LARGE1: variants seen among roughly 807,000 people sequenced by gnomAD.
LARGE1 encodes LARGE xylosyl- and glucuronyltransferase 1, also known as xylosyl- and glucuronyltransferase LARGE1.
Under a neutral mutation model 87.6 loss-of-function variants are expected in LARGE1, and 43 were observed. The observed-to-expected ratio is 0.49, with a 90% CI of 0.38 to 0.63. The LOEUF (loss-of-function observed/expected upper bound fraction) is 0.63, where lower values mean the gene tolerates loss of function less well. LARGE1 is among the 30% of genes least tolerant of loss of function. The pLI is 0.00. For missense variants in LARGE1, 802 were observed against 1,000.2 expected (o/e 0.80, Z 2.67); for synonymous variants, 434 against 394.6 (o/e 1.10, Z -1.18).
chr22:33,459,957 A>G (rs1402752845), intron 6 of LARGE1, among the ~76,000 whole-genome samples: 1 of 152,234 alleles, frequency 6.6e-6, no homozygotes, highest in East Asian at 1.9e-4. Context: ...GTGGATGGGC[A>G]CTGATAAGTG....
intron 6 of LARGE1, among the ~76,000 whole-genome samples, chr22:33,445,100 G>A (rs1569168950): frequency 1.3e-5 from 2 of 152,180 alleles, no homozygotes. Context: ...AAAGTGCTGG[G>A]ATTACAGGTG....
At chr22:33,417,020 C>A (rs1273476299) in intron 7 of LARGE1, among the ~76,000 whole-genome samples, 1 of 150,274 alleles carries the variant, frequency 6.7e-6, no homozygotes, top group Non-Finnish European at 1.5e-5. Flanking sequence ...GATTCTCCTG[C>A]TTCAGCCTCC....
intron 7 of LARGE1, among the ~76,000 whole-genome samples, chr22:33,422,508 C>T (rs995658054): frequency 1.3e-5 from 2 of 149,094 alleles, no homozygotes; most frequent in Non-Finnish European, 3.0e-5. Flanking sequence ...AAGTGCTACA[C>T]ACTTTTTTTT....
intron 6 of LARGE1, among the ~76,000 whole-genome samples, chr22:33,467,496 T>C (rs936341064): frequency 3.3e-5 from 5 of 152,138 alleles, no homozygotes; most frequent in African/African-American, 1.2e-4. Flanking sequence ...AGCAAATAGG[T>C]GAAGGATTAA....
intron 3 of LARGE1, among the ~76,000 whole-genome samples, chr22:33,644,650 T>A (rs1264425453): frequency 2.0e-5 from 3 of 152,192 alleles, no homozygotes; most frequent in Non-Finnish European, 4.4e-5. Context: ...CATGATTATA[T>A]ATTTAGAAAA....
chr22:33,396,667 G>A (rs1334935407), intron 7 of LARGE1, among the ~76,000 whole-genome samples: 4 of 152,118 alleles, frequency 2.6e-5, no homozygotes, highest in Admixed American at 6.5e-5. Context: ...GAACACAGTC[G>A]TCCCTGCCCG....
intron 5 of LARGE1, among the ~76,000 whole-genome samples, chr22:33,581,222 TC>T (rs1401764927): frequency 4.6e-5 from 7 of 152,174 alleles, no homozygotes; most frequent in Non-Finnish European, 7.4e-5. Context: ...CTTCTGACCT[TC>T]AGGAAAATCA....
intron 5 of LARGE1, among the ~76,000 whole-genome samples, chr22:33,586,896 T>C (rs926161966): frequency 3.9e-5 from 6 of 152,172 alleles, no homozygotes; most frequent in African/African-American, 1.4e-4. Context: ...GTCTGCAAAA[T>C]GCAATGAAAA....
intron 5 of LARGE1, among the ~76,000 whole-genome samples, chr22:33,601,704 A>T (rs1285328286): frequency 1.3e-5 from 2 of 152,222 alleles, no homozygotes; most frequent in African/African-American, 4.8e-5. Context: ...AGCAGGTGTC[A>T]GGAAACTTTG....
At chr22:33,190,058 A>G (rs772096612) in intron 11 of LARGE1, among the ~76,000 whole-genome samples, 2 of 152,184 alleles carry the variant, frequency 1.3e-5, no homozygotes, top group Non-Finnish European at 2.9e-5. Context: ...TTTAAAACTG[A>G]CTTGAATTAG....
rs5998825 is a variant in LARGE1 at position 33,240,553 on chromosome 22, A to G, written c.1730+63676T>C. Among the ~76,000 whole-genome samples the G allele has an allele frequency of 4.5e-3, 678 of 152,294 alleles. 5 individuals are homozygous for G. Among genetic ancestry groups the G allele is most frequent in the African/African-American group, 0.015 (639 of 41,570 alleles). On this transcript the variant is annotated intron_variant, in intron 11 of 11. Transcript: ENST00000608642. ...TATCTATTTGTCTCTCCTTGTGTCAATAACACTCTGTCTTGATAATGGTAA... is the reference window on the plus strand; with the variant it reads ...TATCTATTTGTCTCTCCTTGTGTCAGTAACACTCTGTCTTGATAATGGTAA...
In LARGE1 at chr22:33,855,169, C is replaced by T. The variant is rs141195263; in HGVS notation, c.-83+64826G>A. On this transcript the variant is annotated intron_variant, in intron 1 of 14. Coordinates refer to ENST00000397394, the MANE Select transcript of LARGE1 (RefSeq NM_133642.5). ...CAAACACGGTGAAACCCTGTCTCTA[C>T]TAAAAATACAAAAAAATTAGCCGGG... is the stretch of plus-strand genomic sequence containing the variant. 5.9e-3 allele frequency among the ~76,000 whole-genome samples: 892 copies of T among 152,128 alleles called. 7 individuals are homozygous for T. Among genetic ancestry groups the T allele is most frequent in the Non-Finnish European group, 9.8e-3 (669 of 68,000 alleles).
At chr22:33,415,140 T>A (rs952655153) in intron 7 of LARGE1, among the ~76,000 whole-genome samples, 1 of 152,202 alleles carries the variant, frequency 6.6e-6, no homozygotes, top group Non-Finnish European at 1.5e-5. Context: ...CCCAGCACCC[T>A]GCAGCCCAGC....
At position 33,566,006 on chromosome 22, in the gene LARGE1, G is replaced by A. The variant is rs983536034; in HGVS notation, c.616-987C>T. Among the ~76,000 whole-genome samples, 8 of 152,226 alleles carry A rather than the reference G, an allele frequency of 5.3e-5. No individual in the cohort carries two copies. In the East Asian group the frequency reaches 1.5e-3, roughly 29 times the overall value. On this transcript the variant is annotated intron_variant, in intron 5 of 14. Transcript: ENST00000397394. ...CCAAAGCACACTTATTTTCAAGAGG[G>A]TAACACTTTTAATAGAACCCTTTAA...
chr22:33,273,965 G>A lies in LARGE1; in HGVS notation c.*462C>T, dbSNP rs200125816. On this transcript the variant is annotated 3_prime_UTR_variant, in exon 15 of 15. Coordinates refer to ENST00000397394, the MANE Select transcript of LARGE1 (RefSeq NM_133642.5). ...CGTTTGAATGCCCAGCTACATTGCA[G>A]GGCAAAGGGGAAAGTTTTCACTTAA... 27 of 352,032 alleles carry A rather than the reference G, an allele frequency of 7.7e-5. No homozygotes were observed. The East Asian group carries it at 1.3e-3, about 18-fold the overall frequency. The allele number at this position is 352,032 out of a possible 1,614,324, so 21.8% of individuals were successfully genotyped here.
chr22:33,771,067 C>T (rs1390466425), intron 1 of LARGE1, among the ~76,000 whole-genome samples: 2 of 152,284 alleles, frequency 1.3e-5, no homozygotes, highest in Non-Finnish European at 2.9e-5. Flanking sequence ...CCCACAATCC[C>T]GTTGCCAGCC....
chr22:33,460,507 T>C (rs956113840), intron 6 of LARGE1, among the ~76,000 whole-genome samples: 3 of 152,174 alleles, frequency 2.0e-5, no homozygotes, highest in South Asian at 2.1e-4. Flanking sequence ...CATGTATATA[T>C]GCACATACAT....
rs545738277 is a variant in LARGE1 at position 33,751,396 on chromosome 22, G to A, written c.106+9975C>T. Among the ~76,000 whole-genome samples the A allele has an allele frequency of 4.6e-5, 7 of 151,800 alleles. No individual in the cohort carries two copies. In the East Asian group the frequency reaches 7.7e-4, roughly 17 times the overall value. ...CTTGGGAGGCTGAGGCAGGAGAATC[G>A]CTTGAACCTGGGGATGGAGCAGAGG... On this transcript the variant is annotated intron_variant, in intron 2 of 14. Coordinates refer to ENST00000397394, the MANE Select transcript of LARGE1 (RefSeq NM_133642.5).
In LARGE1 at chr22:33,876,389, C is replaced by T. The variant is rs567613967; in HGVS notation, c.-83+43606G>A. On this transcript the variant is annotated intron_variant, in intron 1 of 14. Coordinates refer to ENST00000397394, the MANE Select transcript of LARGE1 (RefSeq NM_133642.5). ...CAGTGATGGGAGAGGGGGAGGTGCA[C>T]TCGGGTCACTGGTAATGTCCTATTT... Among the ~76,000 whole-genome samples the T allele has an allele frequency of 2.6e-5, 4 of 152,188 alleles. No homozygotes were observed. In the East Asian group the frequency reaches 7.7e-4, roughly 29 times the overall value.
Sources: allele counts gnomAD v4.1 joint callset (sites outside exome capture counted in the v4.1 genomes callset), GRCh38; gene constraint gnomAD v4.1.1; transcripts MANE v1.5; gene names NCBI Gene and HGNC (gene_info 2026-07-23, HGNC 2026-07-21).